PRKCE: variants seen among roughly 807,000 people sequenced by gnomAD.
PRKCE encodes the protein protein kinase C epsilon type.
In PRKCE, 16 loss-of-function variants were observed where a neutral mutation model predicts 85.4. The observed-to-expected ratio is 0.19, with a 90% CI of 0.13 to 0.28. The LOEUF is 0.28. Ranked by LOEUF, PRKCE falls within the 10% of genes least tolerant of loss-of-function variation. The pLI is 1.00. For synonymous variants in PRKCE, 388 were observed against 371.5 expected (o/e 1.04, Z -0.51); for missense variants, 573 against 975.2 (o/e 0.59, Z 5.49).
chr2:46,009,414 T>C (rs186308202), intron 9 of PRKCE, among the ~76,000 whole-genome samples: 5 of 152,276 alleles, frequency 3.3e-5, no homozygotes, highest in East Asian at 3.9e-4. Context: ...CGAAAAGAAA[T>C]ACAGTCAGAA....
At position 45,907,610 on chromosome 2, in the gene PRKCE, G is replaced by A. The variant is rs576124767; in HGVS notation, c.412+64547G>A. Among the ~76,000 whole-genome samples the A allele has an allele frequency of 4.2e-4, 64 of 152,324 alleles. No homozygotes were observed. The highest frequency in any genetic ancestry group is 1.4e-3 in the African/African-American group (57 of 41,578). On this transcript the variant is annotated intron_variant, in intron 2 of 14. Coordinates refer to ENST00000306156, the MANE Select transcript of PRKCE (RefSeq NM_005400.3). The surrounding 1 kb of genome is among the most constrained non-coding windows in gnomAD (Gnocchi z 4.5). ...ATGTCACGTGTGTCATTTTCCCAGT[G>A]CCAATCATCGTGGTCCGCATTCTAT...
chr2:45,862,034 G>A (rs971599168), intron 2 of PRKCE, among the ~76,000 whole-genome samples: 10 of 152,092 alleles, frequency 6.6e-5, no homozygotes. Flanking sequence ...GAAAAGTGGA[G>A]ATGGGGACCA....
chr2:45,702,854 G>A (rs993443777), intron 1 of PRKCE, among the ~76,000 whole-genome samples: 1 of 152,072 alleles, frequency 6.6e-6, no homozygotes, highest in Non-Finnish European at 1.5e-5. Context: ...CCTTACTCTG[G>A]GAGTAGAAGG....
rs1340458303 is a variant in PRKCE at position 46,138,716 on chromosome 2, TG to T, written c.1593-6375del. ...TGGAGACACAGTTGGTTGTCACAGCTGGAGAGGGGGCATACTAATAGCACCT... is the reference window on the plus strand; with the variant it reads ...TGGAGACACAGTTGGTTGTCACAGCTGAGAGGGGGCATACTAATAGCACCT... On this transcript the variant is annotated intron_variant, in intron 11 of 14. Coordinates refer to ENST00000306156, the MANE Select transcript of PRKCE (RefSeq NM_005400.3). This position sits in a 1 kb window ranked among gnomAD's most constrained non-coding sequence, Gnocchi z 4.2. Among the ~76,000 whole-genome samples the T allele has an allele frequency of 1.3e-5, 2 of 152,162 alleles. No individual in the cohort carries two copies.
At chr2:45,885,288 A>T (rs1429900701) in intron 2 of PRKCE, among the ~76,000 whole-genome samples, 1 of 152,062 alleles carries the variant, frequency 6.6e-6, no homozygotes, top group East Asian at 1.9e-4. Flanking sequence ...GTGACTTCCA[A>T]ATAAAATGAT....
intron 11 of PRKCE, among the ~76,000 whole-genome samples, chr2:46,087,656 C>T (rs543870008): frequency 1.1e-4 from 16 of 151,920 alleles, no homozygotes; most frequent in East Asian, 3.9e-4. Flanking sequence ...TGACCACAAA[C>T]GGAATGGTGT....
intron 1 of PRKCE, among the ~76,000 whole-genome samples, chr2:45,713,746 T>C (rs1006070848): frequency 1.3e-5 from 2 of 152,124 alleles, no homozygotes; most frequent in African/African-American, 4.8e-5. Context: ...GAAGTGAAGA[T>C]AAAACACCCC....
At chr2:45,993,051 C>T (rs373561015) in intron 6 of PRKCE, among the ~76,000 whole-genome samples, 35 of 151,318 alleles carry the variant, frequency 2.3e-4, no homozygotes, top group African/African-American at 8.0e-4. Context: ...CACTGAGAGG[C>T]ATTCTGGAAA....
intron 1 of PRKCE, among the ~76,000 whole-genome samples, chr2:45,815,560 A>G (rs1050004918): frequency 2.6e-5 from 4 of 152,214 alleles, no homozygotes; most frequent in African/African-American, 9.6e-5. Context: ...CAAGTGCCCA[A>G]GAAGCACTTC....
At chr2:45,767,240 C>A (rs901575863) in intron 1 of PRKCE, among the ~76,000 whole-genome samples, 1 of 152,046 alleles carries the variant, frequency 6.6e-6, no homozygotes, top group African/African-American at 2.4e-5. Flanking sequence ...ATTAGCCCAA[C>A]CCTCTAACTT....
intron 10 of PRKCE, among the ~76,000 whole-genome samples, chr2:46,076,674 C>T (rs11125046): frequency 0.94 from 142,954 of 152,232 alleles, 67,224 homozygotes; most frequent in East Asian, 1. Flanking sequence ...ATTTGGCCAA[C>T]TGTGATTGAA....
At chr2:46,171,958 C>A (rs1678945388) in intron 14 of PRKCE, among the ~76,000 whole-genome samples, 1 of 152,216 alleles carries the variant, frequency 6.6e-6, no homozygotes, top group Admixed American at 6.5e-5. Flanking sequence ...GGGGACTAGC[C>A]TGGTTTGGGG....
chr2:46,153,860 C>T (rs1676906555), intron 13 of PRKCE, among the ~76,000 whole-genome samples: 1 of 144,824 alleles, frequency 6.9e-6, no homozygotes, highest in African/African-American at 2.5e-5. Context: ...GATCTCTGCT[C>T]ACTGCAACTT....
intron 1 of PRKCE, among the ~76,000 whole-genome samples, chr2:45,734,765 C>G (rs777618426): frequency 3.9e-5 from 6 of 152,198 alleles, no homozygotes; most frequent in South Asian, 2.1e-4. Flanking sequence ...GGGCTGCTGA[C>G]AGCTTGCAGC....
rs923070490 is a variant in PRKCE at position 45,833,343 on chromosome 2, T to C, written c.349-9657T>C. 3.3e-5 allele frequency among the ~76,000 whole-genome samples: 5 copies of C among 152,132 alleles called. 1 individual carries two copies. The highest frequency in any genetic ancestry group is 1.3e-4 in the Admixed American group (2 of 15,282). ...TGGATTCATTCAGTTCCACTTAGAGTCTTTATTGAATACCTATCTCAATCC... is the reference window on the plus strand; with the variant it reads ...TGGATTCATTCAGTTCCACTTAGAGCCTTTATTGAATACCTATCTCAATCC... On this transcript the variant is annotated intron_variant, in intron 1 of 14. Transcript: ENST00000306156.
intron 2 of PRKCE, among the ~76,000 whole-genome samples, chr2:45,857,399 C>T (rs1303688271): frequency 1.3e-5 from 2 of 152,182 alleles, no homozygotes; most frequent in African/African-American, 2.4e-5. Context: ...AAAAAATGTT[C>T]ACGTGATCAT....
chr2:45,710,281 G>A (rs1426883647), intron 1 of PRKCE, among the ~76,000 whole-genome samples: 2 of 152,174 alleles, frequency 1.3e-5, no homozygotes, highest in Non-Finnish European at 2.9e-5. Flanking sequence ...CACATCCCCA[G>A]TTTTTCAGCA....
chr2:45,919,888 T>C (rs1020996334), intron 2 of PRKCE, among the ~76,000 whole-genome samples: 3 of 152,198 alleles, frequency 2.0e-5, no homozygotes, highest in Non-Finnish European at 4.4e-5. Flanking sequence ...AGGCGAACAC[T>C]AGTGCCAGTG....
At chr2:45,842,899 T>C (rs1189475234) in intron 1 of PRKCE, 101 bp from the exon 2 acceptor site, 2 of 1,054,400 alleles carry the variant, frequency 1.9e-6, no homozygotes, top group Admixed American at 3.4e-5. Context: ...TACATGGAGC[T>C]GTGTCTCTAG....
Sources: allele counts gnomAD v4.1 joint callset (sites outside exome capture counted in the v4.1 genomes callset), GRCh38; gene constraint gnomAD v4.1.1; non-coding constraint Gnocchi (gnomAD v3.1); transcripts MANE v1.5; gene names NCBI Gene and HGNC (gene_info 2026-07-23, HGNC 2026-07-21).